FILIP1: variants seen among roughly 807,000 people sequenced by gnomAD.
The protein encoded by FILIP1 is filamin A interacting protein 1, also known as filamin-A-interacting protein 1.
In FILIP1, 61 loss-of-function variants were observed where a neutral mutation model predicts 102.1. The observed-to-expected ratio is 0.60, with a 90% CI of 0.49 to 0.74. The LOEUF (loss-of-function observed/expected upper bound fraction) is 0.74. Among genes scored for constraint, FILIP1 ranks in the 30% least tolerant of loss-of-function variants. The pLI, the probability that FILIP1 is intolerant of heterozygous loss-of-function variation, is 0.00. For synonymous variants in FILIP1, 491 were observed against 526.9 expected (o/e 0.93, Z 0.93); for missense variants, 1,314 against 1,441.2 (o/e 0.91, Z 1.43).
chr6:75,293,800 T>C (rs1326610520), exon 7 of FILIP1: 2 of 152,210 alleles, frequency 1.3e-5, no homozygotes, highest in Non-Finnish European at 2.9e-5. Context: ...AATTTTGCCA[T>C]CAGAGGTACA....
chr6:75,446,553 T>C (rs1175767521), intron 1 of FILIP1, among the ~76,000 whole-genome samples: 1 of 152,156 alleles, frequency 6.6e-6, no homozygotes, highest in African/African-American at 2.4e-5. Context: ...AAATCCATGG[T>C]GGCTTCTTTA....
At chr6:75,372,687 GAAAGAAAGAGAAAGAAAGAAAGA>G (rs1775585450) in intron 2 of FILIP1, among the ~76,000 whole-genome samples, 3 of 27,742 alleles carry the variant, frequency 1.1e-4, no homozygotes, top group African/African-American at 7.1e-4. Flanking sequence ...GAAAGAAAGA[GAAAGAAAGAGAAAGAAAGAAAGA>G]AAGGAAAGAA....
chr6:75,393,315 C>G (rs942722469), intron 2 of FILIP1, among the ~76,000 whole-genome samples: 6 of 151,832 alleles, frequency 4.0e-5, no homozygotes, highest in African/African-American at 1.5e-4. Flanking sequence ...TATTAAGTAC[C>G]TAATATATGA....
chr6:75,332,514 AG>A (rs1347353733), intron 4 of FILIP1, among the ~76,000 whole-genome samples: 3 of 152,154 alleles, frequency 2.0e-5, no homozygotes, highest in Admixed American at 2.0e-4. Context: ...CAACTCAAAG[AG>A]GCCTTCCGTA....
intron 2 of FILIP1, among the ~76,000 whole-genome samples, chr6:75,387,944 T>A (rs1454236286): frequency 3.3e-5 from 5 of 152,230 alleles, no homozygotes; most frequent in Non-Finnish European, 5.9e-5. Context: ...GTTTTAGTCA[T>A]GAAGTCTTTG....
At chr6:75,372,213 T>C (rs1229742542) in intron 2 of FILIP1, among the ~76,000 whole-genome samples, 3 of 151,340 alleles carry the variant, frequency 2.0e-5, no homozygotes, top group Non-Finnish European at 4.4e-5. Flanking sequence ...ACTAAAAATA[T>C]AAAATTAGCT....
intron 1 of FILIP1, among the ~76,000 whole-genome samples, chr6:75,442,202 C>T (rs1360467755): frequency 1.3e-5 from 2 of 151,396 alleles, no homozygotes; most frequent in African/African-American, 2.4e-5. Flanking sequence ...GGATGGCGGC[C>T]GGGAAGAGGC....
At chr6:75,449,594 CA>C (rs1413904563) in intron 1 of FILIP1, among the ~76,000 whole-genome samples, 1 of 151,952 alleles carries the variant, frequency 6.6e-6, no homozygotes, top group African/African-American at 2.4e-5. Context: ...CAGCCTGGGA[CA>C]CAGCAAGACC....
intron 4 of FILIP1, among the ~76,000 whole-genome samples, chr6:75,339,954 A>G (rs960739657): frequency 4.6e-5 from 7 of 151,950 alleles, no homozygotes; most frequent in African/African-American, 1.7e-4. Context: ...TCTAAAATAA[A>G]TAAATAAATA....
At chr6:75,465,493 C>G in intron 1 of FILIP1, 1 of 967,876 alleles carries the variant, frequency 1.0e-6, no homozygotes, top group Non-Finnish European at 1.6e-6. Flanking sequence ...AGTTGTCCTG[C>G]AAGAGCTTCA....
intron 1 of FILIP1, among the ~76,000 whole-genome samples, chr6:75,418,985 G>A (rs576033930): frequency 1.1e-4 from 17 of 152,042 alleles, no homozygotes; most frequent in Admixed American, 3.9e-4. Context: ...CTTTTCATCT[G>A]CGTCCCCCCC....
intron 3 of FILIP1, chr6:75,360,527 T>C (rs1775142375): frequency 6.6e-6 from 1 of 152,176 alleles, no homozygotes; most frequent in African/African-American, 2.4e-5. Flanking sequence ...CTAAGCAGAA[T>C]ACAAAATTAG....
In FILIP1 at chr6:75,325,365, T is replaced by A. The variant is rs543453283; in HGVS notation, c.630-10163A>T. Among the ~76,000 whole-genome samples the A allele has an allele frequency of 3.0e-3, 455 of 152,294 alleles. 3 individuals carry two copies. Among genetic ancestry groups the A allele is most frequent in the Non-Finnish European group, 5.4e-3 (370 of 68,014 alleles). On this transcript the variant is annotated intron_variant, in intron 4 of 5. Transcript: ENST00000237172. The stretch of plus-strand genomic sequence containing the variant: ...TGAATCTGGGAGGTGGAGGCTGCAG[T>A]AAGCCGAGATTGCGCCACTGCACTC...
chr6:75,360,773 G>T (rs1267574581), intron 3 of FILIP1: 2 of 152,176 alleles, frequency 1.3e-5, no homozygotes, highest in African/African-American at 4.8e-5. Flanking sequence ...AAATAAGAAT[G>T]ATCAGTGATT....
intron 1 of FILIP1, among the ~76,000 whole-genome samples, chr6:75,488,120 G>A (rs1779845561): frequency 6.6e-6 from 1 of 151,938 alleles, no homozygotes; most frequent in Non-Finnish European, 1.5e-5. Context: ...CCCAAAAATG[G>A]GAAAAAAACC....
In FILIP1 at chr6:75,353,648, T is replaced by C. The variant is rs768504759; in HGVS notation, c.520A>G (p.Lys174Glu). ...TCGTATACGGTGCGCCTATGACACTTCTCGGCCAGCAACAGCTGCTCTAGC... is the reference window on the plus strand; with the variant it reads ...TCGTATACGGTGCGCCTATGACACTCCTCGGCCAGCAACAGCTGCTCTAGC... Reference protein sequence around the residue: ...RMLEQLLLAEKCHRRTVYELE... With the variant: ...RMLEQLLLAEECHRRTVYELE... Residue 174 changes from lysine (K) to glutamate (E), a missense_variant, in exon 4 of 6, where the codon AAG (lysine) becomes GAG (glutamate). Transcript: ENST00000237172. 6.2e-7 allele frequency: 1 copy of C among 1,614,176 alleles called. No individual in the cohort carries two copies. Among genetic ancestry groups the C allele is most frequent in the South Asian group, 1.1e-5 (1 of 91,090 alleles).
chr6:75,429,303 G>A (rs975138015), intron 1 of FILIP1, among the ~76,000 whole-genome samples: 3 of 152,160 alleles, frequency 2.0e-5, no homozygotes, highest in Admixed American at 6.5e-5. Flanking sequence ...ATGCAAGGGG[G>A]ATGGGTGGAA....
At chr6:75,305,474 G>A (rs903370069), downstream of FILIP1, among the ~76,000 whole-genome samples, 5 of 152,154 alleles carry the variant, frequency 3.3e-5, no homozygotes, top group South Asian at 2.1e-4. Flanking sequence ...CACCCTTAAC[G>A]AATACCCTAA....
intron 2 of FILIP1, among the ~76,000 whole-genome samples, chr6:75,387,211 T>C (rs9443169): frequency 0.61 from 93,468 of 151,986 alleles, 28,838 homozygotes; most frequent in South Asian, 0.7. Context: ...TTCTTTTTTA[T>C]GGCTGCATAG....
Sources: gnomAD v4.1 joint callset for allele counts (sites outside exome capture counted in the v4.1 genomes callset) on GRCh38, gnomAD v4.1.1 for gene constraint, MANE v1.5 for transcripts, NCBI Gene and HGNC (gene_info 2026-07-23, HGNC 2026-07-21) for gene names.